Variants in MAP7 observed in about 807,000 individuals in gnomAD.
MAP7 encodes ensconsin.
MAP7 carries 52 observed loss-of-function variants against 94.8 expected under a neutral mutation model. That is an observed-to-expected ratio of 0.55 (90% CI 0.44 to 0.69). The LOEUF (loss-of-function observed/expected upper bound fraction) is 0.69, where lower values mean the gene tolerates loss of function less well. Ranked by LOEUF, MAP7 falls within the 30% of genes least tolerant of loss-of-function variation. The pLI, the probability that MAP7 is intolerant of heterozygous loss-of-function variation, is 0.00. For missense variants in MAP7, 940 were observed against 964.6 expected (o/e 0.97, Z 0.34); for synonymous variants, 350 against 357.0 (o/e 0.98, Z 0.22).
intron 3 of MAP7, among the ~76,000 whole-genome samples, chr6:136,408,563 A>G (rs1786343628): frequency 6.6e-6 from 1 of 152,176 alleles, no homozygotes; most frequent in African/African-American, 2.4e-5. Flanking sequence ...TTTTCAACCT[A>G]CATCCAACAG....
chr6:136,355,224 A>G (rs920157757), intron 16 of MAP7, among the ~76,000 whole-genome samples: 3 of 152,006 alleles, frequency 2.0e-5, no homozygotes, highest in Admixed American at 2.0e-4. Context: ...TGTTCCCCAT[A>G]ATAATGGGAT....
intron 1 of MAP7, among the ~76,000 whole-genome samples, chr6:136,442,405 C>CAAA (rs549791806): frequency 2.2e-5 from 2 of 90,654 alleles, no homozygotes; most frequent in African/African-American, 8.4e-5. Flanking sequence ...ACTCTGTCTC[C>CAAA]AAAAAAAAAA....
chr6:136,392,048 T>C (rs1168825887), intron 3 of MAP7, among the ~76,000 whole-genome samples: 1 of 152,240 alleles, frequency 6.6e-6, no homozygotes, highest in Non-Finnish European at 1.5e-5. Context: ...ACGTACACCA[T>C]GCACCTTGTA....
intron 1 of MAP7, among the ~76,000 whole-genome samples, chr6:136,478,345 G>A (rs1811586228): frequency 6.6e-6 from 1 of 152,146 alleles, no homozygotes; most frequent in South Asian, 2.1e-4. Context: ...CATTTTCGGA[G>A]GCCAAGGTGG....
intron 2 of MAP7, among the ~76,000 whole-genome samples, chr6:136,417,053 A>G (rs1384500983): frequency 1.3e-5 from 2 of 152,166 alleles, no homozygotes; most frequent in Non-Finnish European, 2.9e-5. Flanking sequence ...TGGGAGATCT[A>G]GGCTACAGTG....
intron 16 of MAP7, among the ~76,000 whole-genome samples, chr6:136,351,195 A>C (rs1789078514): frequency 6.6e-6 from 1 of 151,864 alleles, no homozygotes; most frequent in Non-Finnish European, 1.5e-5. Flanking sequence ...GGATCACTGC[A>C]AACTGTTCCT....
chr6:136,466,762 G>C (rs188496477), intron 1 of MAP7: 1 of 1,534,922 alleles, frequency 6.5e-7, no homozygotes, highest in African/African-American at 1.4e-5. Flanking sequence ...AGAACTTACA[G>C]TACAGTTTAG....
intron 1 of MAP7, among the ~76,000 whole-genome samples, chr6:136,444,216 C>T (rs1201229883): frequency 1.3e-5 from 2 of 152,218 alleles, no homozygotes; most frequent in African/African-American, 4.8e-5. Context: ...TCATCAGAAA[C>T]ACCTTGGGTA....
chr6:136,508,617 T>A (rs1296647375), intron 1 of MAP7, among the ~76,000 whole-genome samples: 1 of 152,192 alleles, frequency 6.6e-6, no homozygotes, highest in African/African-American at 2.4e-5. Flanking sequence ...CTTCTAAGTC[T>A]CATAAACTGT....
At chr6:136,453,863 C>T (rs3799430) in intron 1 of MAP7, among the ~76,000 whole-genome samples, 2,707 of 152,236 alleles carry the variant, frequency 0.018, 87 homozygotes, top group East Asian at 0.14. Context: ...AGTATTCAGC[C>T]AAAGCTGTTT....
chr6:136,540,140 G>A (rs868249372), intron 1 of MAP7, among the ~76,000 whole-genome samples: 5 of 152,244 alleles, frequency 3.3e-5, no homozygotes, highest in South Asian at 4.2e-4. Context: ...AGCAGCATGC[G>A]GTGAGGAGAA....
intron 1 of MAP7, among the ~76,000 whole-genome samples, chr6:136,447,277 A>T (rs1005197355): frequency 1.1e-4 from 16 of 152,218 alleles, no homozygotes; most frequent in South Asian, 4.1e-4. Flanking sequence ...CTTCCAAATA[A>T]CTAATTCTCT....
intron 15 of MAP7, among the ~76,000 whole-genome samples, chr6:136,357,635 C>G (rs1427635677): frequency 6.6e-6 from 1 of 152,074 alleles, no homozygotes; most frequent in Non-Finnish European, 1.5e-5. Flanking sequence ...GCTGGAACCA[C>G]AAGTACATGC....
chr6:136,478,979 C>CAAAA (rs59319740), intron 1 of MAP7, among the ~76,000 whole-genome samples: 758 of 44,720 alleles, frequency 0.017, 15 homozygotes, highest in East Asian at 0.14. Context: ...ACAGACACAT[C>CAAAA]AAAAAAAAAA....
chr6:136,349,614 T>C (rs774250422), intron 16 of MAP7, among the ~76,000 whole-genome samples: 11 of 152,196 alleles, frequency 7.2e-5, no homozygotes, highest in Non-Finnish European at 1.5e-4. Context: ...TCAAGTGATC[T>C]GCTTGCCTAG....
chr6:136,464,032 G>A (rs1313786230), intron 1 of MAP7, among the ~76,000 whole-genome samples: 2 of 152,216 alleles, frequency 1.3e-5, no homozygotes, highest in African/African-American at 2.4e-5. Context: ...CAGTGGCTGA[G>A]CAGAACGTTG....
intron 7 of MAP7, among the ~76,000 whole-genome samples, chr6:136,373,371 T>C (rs1209924508): frequency 1.3e-5 from 2 of 152,236 alleles, no homozygotes; most frequent in South Asian, 2.1e-4. Context: ...AGATTAGCTA[T>C]ATCTATTTAA....
At position 136,362,733 on chromosome 6, in the gene MAP7, T is replaced by C. The variant is rs200763597; in HGVS notation, c.1274-31A>G. ...CAAATAGGTACAAGGAGAAAACCAG[T>C]TGGAAACAAAATCCAAAGAACAAAA... On this transcript the variant is annotated intron_variant, in intron 10 of 17. Transcript: ENST00000354570. 12 of 1,522,590 alleles carry C rather than the reference T, an allele frequency of 7.9e-6. No homozygotes were observed. The Admixed American group carries it at 1.5e-4, about 19-fold the overall frequency. The allele number at this position is 1,522,590 out of a possible 1,614,324, so 94.3% of individuals were successfully genotyped here.
At chr6:136,390,409 T>C (rs1280364442) in intron 3 of MAP7, among the ~76,000 whole-genome samples, 1 of 152,064 alleles carries the variant, frequency 6.6e-6, no homozygotes, top group East Asian at 1.9e-4. Flanking sequence ...TCCCAGCACT[T>C]TGGGAGGCTG....
Sources: gnomAD v4.1 joint callset for allele counts (sites outside exome capture counted in the v4.1 genomes callset) on GRCh38, gnomAD v4.1.1 for gene constraint, MANE v1.5 for transcripts, NCBI Gene and HGNC (gene_info 2026-07-23, HGNC 2026-07-21) for gene names.